PDE4D: variants seen among roughly 807,000 people sequenced by gnomAD.
PDE4D encodes the protein 3',5'-cyclic-AMP phosphodiesterase 4D.
PDE4D carries 24 observed loss-of-function variants against 87.4 expected under a neutral mutation model. That is an observed-to-expected ratio of 0.27 (90% confidence interval 0.20 to 0.39). PDE4D has a LOEUF of 0.39. PDE4D is among the 10% of genes least tolerant of loss of function. PDE4D has a pLI of 1.00. For synonymous variants in PDE4D, 384 were observed against 383.2 expected (o/e 1.00, Z -0.02); for missense variants, 714 against 1,041.0 (o/e 0.69, Z 4.32).
chr5:60,215,119 T>C (rs1743705345), intron 1 of PDE4D, among the ~76,000 whole-genome samples: 1 of 152,178 alleles, frequency 6.6e-6, no homozygotes, highest in Non-Finnish European at 1.5e-5. Context: ...GATTCACTCC[T>C]CTGTAGCGAT....
chr5:59,411,944 G>A (rs1357229905), intron 1 of PDE4D, among the ~76,000 whole-genome samples: 1 of 152,098 alleles, frequency 6.6e-6, no homozygotes, highest in African/African-American at 2.4e-5. Flanking sequence ...TTCATTAATG[G>A]ATTCGCTCAC....
intron 5 of PDE4D, among the ~76,000 whole-genome samples, chr5:59,171,864 T>C (rs1296480168): frequency 8.1e-6 from 1 of 123,586 alleles, no homozygotes; most frequent in Non-Finnish European, 1.6e-5. Flanking sequence ...TAAACATATA[T>C]ATTTATATGA....
intron 2 of PDE4D, among the ~76,000 whole-genome samples, chr5:60,085,200 A>C (rs1472629066): frequency 1.3e-5 from 2 of 152,174 alleles, no homozygotes; most frequent in Non-Finnish European, 2.9e-5. Flanking sequence ...AATGCAAAAA[A>C]ATGAGAGGGG....
intron 3 of PDE4D, among the ~76,000 whole-genome samples, chr5:59,922,050 A>G (rs1327172354): frequency 2.0e-5 from 3 of 151,990 alleles, no homozygotes; most frequent in Non-Finnish European, 4.4e-5. Context: ...GGGGAGGGAG[A>G]GTGCAGCGAC....
intron 2 of PDE4D, among the ~76,000 whole-genome samples, chr5:60,053,664 T>A (rs1770459264): frequency 6.6e-6 from 1 of 152,074 alleles, no homozygotes; most frequent in Non-Finnish European, 1.5e-5. Flanking sequence ...CCAAAAGCAA[T>A]GGCCACAGAA....
chr5:59,706,852 G>C (rs978123658), intron 1 of PDE4D, among the ~76,000 whole-genome samples: 1 of 148,018 alleles, frequency 6.8e-6, no homozygotes, highest in African/African-American at 2.7e-5. Flanking sequence ...AAAAATATTA[G>C]AGTGGTTTTC....
intron 2 of PDE4D, among the ~76,000 whole-genome samples, chr5:59,215,118 C>T (rs2153505746): frequency 6.6e-6 from 1 of 152,268 alleles, no homozygotes; most frequent in Middle Eastern, 3.4e-3. Flanking sequence ...GAATGAAATG[C>T]ACTGAGAAAA....
intron 1 of PDE4D, among the ~76,000 whole-genome samples, chr5:60,510,442 A>G (rs1750520366): frequency 6.6e-6 from 1 of 152,194 alleles, no homozygotes; most frequent in Non-Finnish European, 1.5e-5. Context: ...ACATCTAGGG[A>G]GACTATAGAT....
intron 1 of PDE4D, chr5:60,460,522 T>C (rs1400360391): frequency 5.4e-6 from 8 of 1,475,078 alleles, no homozygotes; most frequent in Middle Eastern, 2.4e-4. Context: ...GAGTTTGTCA[T>C]ATTTCTGTTC....
In PDE4D at chr5:59,504,797, C is replaced by T. The variant is rs564672380; in HGVS notation, c.456-288829G>A. ...AAACCAGTCATTTTCCCCCTGCTCT[C>T]TCAAGCTACTTCAGACCTTCTTGGG... On this transcript the variant is annotated intron_variant, in intron 1 of 14. Coordinates refer to ENST00000340635, the MANE Select transcript of PDE4D (RefSeq NM_001104631.2). Among the ~76,000 whole-genome samples the T allele has an allele frequency of 2.0e-5, 3 of 152,240 alleles. No homozygotes were observed. The East Asian group carries it at 5.8e-4, about 29-fold the overall frequency.
At chr5:59,268,936 A>G (rs1239095108) in intron 1 of PDE4D, among the ~76,000 whole-genome samples, 1 of 152,042 alleles carries the variant, frequency 6.6e-6, no homozygotes, top group Non-Finnish European at 1.5e-5. Flanking sequence ...CCATTCGTAT[A>G]CTCATGGTTA....
At chr5:60,218,794 A>G (rs1744164701) in intron 1 of PDE4D, among the ~76,000 whole-genome samples, 1 of 152,114 alleles carries the variant, frequency 6.6e-6, no homozygotes, top group Non-Finnish European at 1.5e-5. Flanking sequence ...TTCTTGATCC[A>G]CAAGATCACA....
chr5:59,889,910 T>C (rs181201758), intron 1 of PDE4D, among the ~76,000 whole-genome samples: 1 of 152,338 alleles, frequency 6.6e-6, no homozygotes, highest in African/African-American at 2.4e-5. Flanking sequence ...ACACACTTTA[T>C]ATAAAAAATT....
chr5:59,249,991 C>T (rs1334740042), intron 1 of PDE4D, among the ~76,000 whole-genome samples: 4 of 151,830 alleles, frequency 2.6e-5, no homozygotes, highest in African/African-American at 9.7e-5. Flanking sequence ...TACAGGGACA[C>T]ACCATAAAAA....
intron 1 of PDE4D, among the ~76,000 whole-genome samples, chr5:59,395,394 C>T (rs62355534): frequency 0.42 from 63,850 of 152,080 alleles, 13,714 homozygotes; most frequent in East Asian, 0.49. Flanking sequence ...GATCTGAGAA[C>T]TGGCAGACTG....
chr5:59,240,799 C>T (rs5008690), intron 1 of PDE4D, among the ~76,000 whole-genome samples: 3 of 66,272 alleles, frequency 4.5e-5, no homozygotes, highest in African/African-American at 2.0e-4. Flanking sequence ...CACACACACA[C>T]ACACACACAT....
At chr5:59,386,004 T>C (rs151096880) in intron 1 of PDE4D, among the ~76,000 whole-genome samples, 2 of 152,222 alleles carry the variant, frequency 1.3e-5, no homozygotes, top group East Asian at 3.9e-4. Context: ...AGAAAATAAA[T>C]CTTGGGTATT....
At chr5:59,080,213 T>A (rs1228697341) in intron 5 of PDE4D, among the ~76,000 whole-genome samples, 1 of 152,212 alleles carries the variant, frequency 6.6e-6, no homozygotes, top group South Asian at 2.1e-4. Flanking sequence ...AATTCCATAG[T>A]AAGACAGTAG....
intron 1 of PDE4D, among the ~76,000 whole-genome samples, chr5:60,302,813 A>G (rs1159918204): frequency 2.0e-5 from 3 of 151,056 alleles, no homozygotes; most frequent in Non-Finnish European, 2.9e-5. Flanking sequence ...AGTGCTATAA[A>G]TTTTGGTTTT....
Sources: allele counts gnomAD v4.1 joint callset (sites outside exome capture counted in the v4.1 genomes callset), GRCh38; gene constraint gnomAD v4.1.1; transcripts MANE v1.5; gene names NCBI Gene and HGNC (gene_info 2026-07-23, HGNC 2026-07-21).